The following PCDH7 variants were observed in gnomAD, a reference collection of about 807,000 sequenced individuals.
PCDH7 encodes the protein protocadherin 7.
Under a neutral mutation model 58.9 loss-of-function variants are expected in PCDH7, and 17 were observed. That is an observed-to-expected ratio of 0.29 (90% CI 0.20 to 0.43). The LOEUF is 0.43. PCDH7 is among the 20% of genes least tolerant of loss of function. PCDH7 has a pLI of 1.00. For synonymous variants in PCDH7, 664 were observed against 616.4 expected (o/e 1.08, Z -1.14); for missense variants, 1,274 against 1,441.0 (o/e 0.88, Z 1.88).
chr4:30,800,142 G>T (rs1577856338), intron 1 of PCDH7, among the ~76,000 whole-genome samples: 2 of 151,938 alleles, frequency 1.3e-5, no homozygotes, highest in Non-Finnish European at 2.9e-5. Context: ...ACAGGCGTGA[G>T]CCACCTTGCC....
chr4:31,059,302 G>A (rs1245300995), intron 3 of PCDH7, among the ~76,000 whole-genome samples: 2 of 151,862 alleles, frequency 1.3e-5, no homozygotes, highest in Non-Finnish European at 1.5e-5. Context: ...CTTAAAAATT[G>A]TGTTCTTAAA....
intron 3 of PCDH7, among the ~76,000 whole-genome samples, chr4:31,035,367 C>T (rs1054932429): frequency 6.0e-5 from 9 of 150,314 alleles, no homozygotes; most frequent in Non-Finnish European, 8.8e-5. Flanking sequence ...GATTCTCGTG[C>T]CTCAGCCTCC....
intron 3 of PCDH7, among the ~76,000 whole-genome samples, chr4:30,970,533 TCC>T (rs1223148897): frequency 2.6e-5 from 4 of 151,936 alleles, no homozygotes; most frequent in African/African-American, 9.7e-5. Flanking sequence ...GACCTAGTGA[TCC>T]CCCCGCCTCG....
exon 4 of PCDH7, chr4:31,142,731 G>A (rs375070633): frequency 9.6e-5 from 131 of 1,367,626 alleles, no homozygotes; most frequent in Non-Finnish European, 1.2e-4. Context: ...GAGACCTTCA[G>A]TGCAGCTAGT....
intron 1 of PCDH7, among the ~76,000 whole-genome samples, chr4:30,910,933 A>G (rs1248516366): frequency 6.6e-6 from 1 of 152,212 alleles, no homozygotes; most frequent in African/African-American, 2.4e-5. Flanking sequence ...ATTAGACTGG[A>G]TAAAGAAACT....
downstream of PCDH7, chr4:31,145,563 C>A (rs1193676193): frequency 1.3e-5 from 2 of 151,990 alleles, no homozygotes; most frequent in African/African-American, 4.8e-5. Context: ...TGGGTTTGGA[C>A]AATGAGGGGA....
intron 3 of PCDH7, among the ~76,000 whole-genome samples, chr4:31,101,990 C>T (rs1291158122): frequency 6.6e-6 from 1 of 152,170 alleles, no homozygotes; most frequent in Non-Finnish European, 1.5e-5. Context: ...ACCCTAATGA[C>T]TTAAATATTA....
chr4:31,113,987 C>T (rs1716677403), intron 3 of PCDH7, among the ~76,000 whole-genome samples: 1 of 151,814 alleles, frequency 6.6e-6, no homozygotes. Context: ...CACCCGACAC[C>T]GGGCTTGGCT....
intron 1 of PCDH7, among the ~76,000 whole-genome samples, chr4:30,880,285 GA>G (rs71651563): frequency 0.11 from 13,177 of 119,952 alleles, 825 homozygotes; most frequent in East Asian, 0.34. Flanking sequence ...AGCTACAAAA[GA>G]AAAAAAAAAA....
At chr4:30,801,046 G>T (rs1001771290) in intron 1 of PCDH7, among the ~76,000 whole-genome samples, 4 of 152,182 alleles carry the variant, frequency 2.6e-5, no homozygotes, top group Non-Finnish European at 5.9e-5. Flanking sequence ...GTCTGATGAA[G>T]TCTGCTTATG....
At chr4:31,088,568 A>G (rs1234310071) in intron 3 of PCDH7, among the ~76,000 whole-genome samples, 1 of 152,074 alleles carries the variant, frequency 6.6e-6, no homozygotes. Flanking sequence ...AATGGCCTTT[A>G]TAATTTCAAC....
intron 1 of PCDH7, among the ~76,000 whole-genome samples, chr4:30,901,526 A>G (rs944883544): frequency 6.6e-6 from 1 of 152,190 alleles, no homozygotes; most frequent in Non-Finnish European, 1.5e-5. Context: ...TTTCCCAGGT[A>G]ATTCAAATGT....
intron 3 of PCDH7, among the ~76,000 whole-genome samples, chr4:31,110,654 G>T (rs1716170164): frequency 6.6e-6 from 1 of 152,054 alleles, no homozygotes; most frequent in African/African-American, 2.4e-5. Flanking sequence ...GGTGGCTCAC[G>T]CCTGTAATCC....
intron 3 of PCDH7, among the ~76,000 whole-genome samples, chr4:31,093,531 T>A (rs1424785576): frequency 6.6e-6 from 1 of 152,098 alleles, no homozygotes; most frequent in Non-Finnish European, 1.5e-5. Context: ...AAGGCCCATA[T>A]TTGTTTTCTA....
intron 1 of PCDH7, among the ~76,000 whole-genome samples, chr4:30,909,410 A>G (rs1219153172): frequency 6.6e-6 from 1 of 152,238 alleles, no homozygotes; most frequent in Non-Finnish European, 1.5e-5. Context: ...TGCAGATGAC[A>G]TGATTGTATA....
exon 2 of PCDH7, chr4:30,730,795 C>T: frequency 6.2e-7 from 1 of 1,608,418 alleles, no homozygotes. Context: ...CTGAATTCCA[C>T]TCTAATATGA....
intron 3 of PCDH7, among the ~76,000 whole-genome samples, chr4:31,115,325 T>A (rs1716861955): frequency 6.6e-6 from 1 of 152,034 alleles, no homozygotes; most frequent in Non-Finnish European, 1.5e-5. Context: ...TCCTCTGACT[T>A]TTTATTATAT....
At chr4:30,766,032 C>T (rs1720696136) in intron 1 of PCDH7, among the ~76,000 whole-genome samples, 1 of 151,430 alleles carries the variant, frequency 6.6e-6, no homozygotes, top group Admixed American at 6.6e-5. Flanking sequence ...TGGTAAGAGA[C>T]ACTAGTGGGC....
At chr4:30,889,702 G>T (rs1738356720) in intron 1 of PCDH7, among the ~76,000 whole-genome samples, 1 of 152,082 alleles carries the variant, frequency 6.6e-6, no homozygotes, top group African/African-American at 2.4e-5. Flanking sequence ...TTACACTGTG[G>T]TCTCATATGG....
Sources: allele counts gnomAD v4.1 joint callset (sites outside exome capture counted in the v4.1 genomes callset), GRCh38; gene constraint gnomAD v4.1.1; transcripts MANE v1.5; gene names NCBI Gene and HGNC (gene_info 2026-07-23, HGNC 2026-07-21).